SCAMP4: variants seen among roughly 807,000 people sequenced by gnomAD.
SCAMP4 encodes secretory carrier membrane protein 4.
Under a neutral mutation model 32.1 loss-of-function variants are expected in SCAMP4, and 19 were observed. That is an observed-to-expected ratio of 0.59 (90% CI 0.41 to 0.87). The LOEUF is 0.87. Among genes scored for constraint, SCAMP4 ranks in the 40% least tolerant of loss-of-function variants. The probability of loss-of-function intolerance (pLI) is 0.00; values close to 1 mark genes in which losing one functional copy is unlikely to be tolerated. For synonymous variants in SCAMP4, 152 were observed against 132.7 expected (o/e 1.15, Z -1.00); for missense variants, 302 against 309.0 (o/e 0.98, Z 0.17).
intron 3 of SCAMP4, 31 bp from the exon 4 acceptor site, chr19:1,918,096 C>A: frequency 6.3e-7 from 1 of 1,589,966 alleles, no homozygotes; most frequent in Non-Finnish European, 8.6e-7. Flanking sequence ...CCTCCCGTGC[C>A]TGCTCATCCG....
chr19:1,905,653 T>C (rs1381940891), intron 1 of SCAMP4: 1 of 157,930 alleles, frequency 6.3e-6, no homozygotes, highest in African/African-American at 2.4e-5. Flanking sequence ...CGCGCGGCGC[T>C]GGCCTGGGGG....
chr19:1,919,310 G>C lies in SCAMP4; in HGVS notation c.395+320G>C, dbSNP rs988186811. 5 of 1,196,348 alleles carry C rather than the reference G, an allele frequency of 4.2e-6. No homozygotes were observed. In the African/African-American group the frequency reaches 7.8e-5, roughly 19 times the overall value. The allele number at this position is 1,196,348 out of a possible 1,614,324, so 74.1% of individuals were successfully genotyped here. ...GATCACACCCCTGACCCGGGGTCTGGGAGCCAGTTCCTGGCTGCTGATGTT... is the reference window on the plus strand; with the variant it reads ...GATCACACCCCTGACCCGGGGTCTGCGAGCCAGTTCCTGGCTGCTGATGTT... On this transcript the variant is annotated intron_variant, in intron 5 of 6. Transcript: ENST00000316097.
chr19:1,915,110 C>T, intron 2 of SCAMP4, 84 bp downstream of exon 2: 2 of 1,537,786 alleles, frequency 1.3e-6, no homozygotes, highest in Non-Finnish European at 9.0e-7. Flanking sequence ...TCGGTCCTGG[C>T]CGTTGGCAAA....
rs182409705 is a variant in SCAMP4 at position 1,915,842 on chromosome 19, A to C, written c.7+816A>C. Among the ~76,000 whole-genome samples, 827 of 151,596 alleles carry C rather than the reference A, an allele frequency of 5.5e-3. 7 individuals carry two copies. The highest frequency in any genetic ancestry group is 0.019 in the African/African-American group (782 of 41,250). On this transcript the variant is annotated intron_variant, in intron 2 of 6. Coordinates refer to ENST00000316097, the MANE Select transcript of SCAMP4 (RefSeq NM_079834.4). ...GTGCCTGTAGTCCCAGCTACTCGAGAGGCTGAGGCAGGAGAATGGTGTGAA... is the reference window on the plus strand; with the variant it reads ...GTGCCTGTAGTCCCAGCTACTCGAGCGGCTGAGGCAGGAGAATGGTGTGAA...
intron 5 of SCAMP4, chr19:1,920,337 C>T: frequency 1.0e-6 from 1 of 974,184 alleles, no homozygotes; most frequent in Non-Finnish European, 1.2e-6. Flanking sequence ...GACTGCGGTA[C>T]TCTCACGCCA....
Position 1,917,683 on chromosome 19 carries a change from T to C in SCAMP4, c.8-11T>C. The C allele has an allele frequency of 6.2e-7, 1 of 1,613,864 alleles. No homozygotes were observed. The highest frequency in any genetic ancestry group is 8.5e-7 in the Non-Finnish European group (1 of 1,179,834). On this transcript the variant is annotated splice_polypyrimidine_tract_variant and intron_variant, in intron 2 of 6. Coordinates refer to ENST00000316097, the MANE Select transcript of SCAMP4 (RefSeq NM_079834.4). ...AGTCTGGTTCTGTCCGTGGGTTCTC[T>C]GTCCCTACAGAAAAGGAGAACAACT...
In SCAMP4 at chr19:1,905,412, G is replaced by A. The variant is rs1297340766; in HGVS notation, c.-69G>A. ...GGGCCGGTTGCTAAGACTTGGCGAA[G>A]CGCTGCGCTCGCGCCCGGATCCCTC... On this transcript the variant is annotated 5_prime_UTR_variant, in exon 1 of 7. Coordinates refer to ENST00000316097, the MANE Select transcript of SCAMP4 (RefSeq NM_079834.4). The A allele has an allele frequency of 3.9e-5, 18 of 464,050 alleles. No individual in the cohort carries two copies. The highest frequency in any genetic ancestry group is 7.6e-5 in the Non-Finnish European group (17 of 224,140). The allele number at this position is 464,050 out of a possible 1,614,324, so 28.7% of individuals were successfully genotyped here.
Position 1,918,219 on chromosome 19 carries a change from T to C in SCAMP4, c.229T>C (p.Trp77Arg). 2 of 1,611,510 alleles carry C rather than the reference T, an allele frequency of 1.2e-6. No individual in the cohort carries two copies. The highest frequency in any genetic ancestry group is 2.2e-5 in the East Asian group (1 of 44,880). ...SGTNFGLAFV[W>R]LLLFTPCGYV... Reference sequence around the variant, plus strand: ...GACCAACTTCGGCCTGGCCTTCGTGTGGCTGCTCCTGTTCACGCCTTGCGG... The same window carrying C: ...GACCAACTTCGGCCTGGCCTTCGTGCGGCTGCTCCTGTTCACGCCTTGCGG... The change falls in exon 4 of 7, where the codon TGG becomes CGG. Residue 77 changes from tryptophan to arginine, a missense_variant. By Grantham distance (101) the Trp-to-Arg change is moderately radical. Transcript: ENST00000316097.
chr19:1,912,762 C>T, intron 1 of SCAMP4: 1 of 1,556,842 alleles, frequency 6.4e-7, no homozygotes, highest in Non-Finnish European at 8.6e-7. Flanking sequence ...CCCCCTCCTG[C>T]ACGCCGTCAT....
chr19:1,912,796 G>T (rs1425999578), intron 1 of SCAMP4: 1 of 1,574,034 alleles, frequency 6.4e-7, no homozygotes, highest in Non-Finnish European at 8.6e-7. Flanking sequence ...CTCGTGGCGC[G>T]CGGCCAGGGC....
intron 5 of SCAMP4, chr19:1,921,850 A>G: frequency 1.0e-6 from 1 of 984,856 alleles, no homozygotes; most frequent in Non-Finnish European, 1.2e-6. Context: ...TGACCCAAAG[A>G]CCATGCAGCC....
At chr19:1,923,673 T>G (rs530981789) in intron 6 of SCAMP4, among the ~76,000 whole-genome samples, 1 of 136,340 alleles carries the variant, frequency 7.3e-6, no homozygotes, top group South Asian at 2.4e-4. Context: ...GGCTGGAGTG[T>G]AGTGGTGCGA....
intron 1 of SCAMP4, chr19:1,913,174 C>G: frequency 6.7e-7 from 1 of 1,499,782 alleles, no homozygotes; most frequent in Non-Finnish European, 8.9e-7. Flanking sequence ...TGCCTCCGGA[C>G]CCTTCCCGCT....
chr19:1,917,609 A>G (rs1402513125), intron 2 of SCAMP4, 85 bp from the exon 3 acceptor site: 2 of 1,536,116 alleles, frequency 1.3e-6, no homozygotes, highest in Admixed American at 1.8e-5. Context: ...ATGAGAGGCA[A>G]CCCAGCCTTG....
chr19:1,914,614 A>G, intron 1 of SCAMP4: 1 of 283,194 alleles, frequency 3.5e-6, no homozygotes, highest in Non-Finnish European at 6.8e-6. Context: ...TGCGGATGCG[A>G]TGGGGTCTTA....
intron 5 of SCAMP4, among the ~76,000 whole-genome samples, chr19:1,919,698 C>T (rs756621233): frequency 4.0e-5 from 6 of 151,352 alleles, no homozygotes; most frequent in African/African-American, 1.2e-4. Flanking sequence ...GGGGTTTCAC[C>T]GTGTTGCCCA....
intron 6 of SCAMP4, among the ~76,000 whole-genome samples, chr19:1,923,782 C>G (rs894751634): frequency 3.4e-5 from 5 of 147,282 alleles, no homozygotes; most frequent in Admixed American, 7.0e-5. Flanking sequence ...CCGCACCTGG[C>G]TAATTATTTT....
chr19:1,919,381 C>G, intron 5 of SCAMP4: 2 of 985,394 alleles, frequency 2.0e-6, no homozygotes, highest in Non-Finnish European at 2.4e-6. Flanking sequence ...TCTGTAAAAA[C>G]ACACATACCT....
chr19:1,920,585 T>C, intron 5 of SCAMP4: 1 of 985,096 alleles, frequency 1.0e-6, no homozygotes, highest in Non-Finnish European at 1.2e-6. Flanking sequence ...GTTAGAGTCA[T>C]AGTGAGCGTG....
Sources: allele counts gnomAD v4.1 joint callset (sites outside exome capture counted in the v4.1 genomes callset), GRCh38; gene constraint gnomAD v4.1.1; transcripts MANE v1.5; gene names NCBI Gene and HGNC (gene_info 2026-07-23, HGNC 2026-07-21).